Variants in ERGIC3 observed in about 807,000 individuals in gnomAD.
The protein encoded by ERGIC3 is ERGIC and golgi 3.
Under a neutral mutation model 54.7 loss-of-function variants are expected in ERGIC3, and 33 were observed. The observed-to-expected ratio is 0.60, with a 90% confidence interval of 0.46 to 0.81. ERGIC3 has a LOEUF of 0.81. Among genes scored for constraint, ERGIC3 ranks in the 30% least tolerant of loss-of-function variants. ERGIC3 has a pLI of 0.00. For missense variants in ERGIC3, 399 were observed against 488.4 expected (o/e 0.82, Z 1.73); for synonymous variants, 186 against 189.8 (o/e 0.98, Z 0.16).
At chr20:35,553,020 A>ATTGTTTTTTTTTTTTTTT (rs2064689768) in intron 7 of ERGIC3, among the ~76,000 whole-genome samples, 4 of 41,550 alleles carry the variant, frequency 9.6e-5, no homozygotes, top group Non-Finnish European at 1.7e-4. Context: ...AAAGCTGGGG[A>ATTGTTTTTTTTTTTTTTT]TTTTTTTTTT....
chr20:35,543,785 G>C (rs2064630513), intron 4 of ERGIC3: 1 of 454,452 alleles, frequency 2.2e-6, no homozygotes, highest in Non-Finnish European at 4.7e-6. Context: ...GACTTGAGAT[G>C]GAGATGACTG....
chr20:35,555,784 G>T (rs1487357367), intron 8 of ERGIC3, among the ~76,000 whole-genome samples: 1 of 147,742 alleles, frequency 6.8e-6, no homozygotes, highest in Non-Finnish European at 1.5e-5. Flanking sequence ...CTGCTCTCCA[G>T]CCTGGGCAAC....
At chr20:35,551,983 AG>A (rs1271330276) in intron 7 of ERGIC3, among the ~76,000 whole-genome samples, 6 of 152,202 alleles carry the variant, frequency 3.9e-5, no homozygotes, top group Non-Finnish European at 7.3e-5. Context: ...GTGATGTAGC[AG>A]AATGTTAATA....
intron 10 of ERGIC3, 104 bp from the exon 11 acceptor site, chr20:35,556,869 C>T (rs753036072): frequency 1.9e-5 from 29 of 1,519,764 alleles, no homozygotes; most frequent in Non-Finnish European, 2.3e-5. Context: ...TCTCCTTACA[C>T]GGCCAAGGCT....
chr20:35,545,417 AT>A (rs1351885017), intron 4 of ERGIC3: 1 of 151,920 alleles, frequency 6.6e-6, no homozygotes, highest in Non-Finnish European at 1.5e-5. Flanking sequence ...AAAAAAAAAA[AT>A]TAGCCGGGTG....
Position 35,557,613 on chromosome 20 carries a change from C to A in ERGIC3, c.*109C>A. On this transcript the variant is annotated 3_prime_UTR_variant, in exon 13 of 13. Coordinates refer to ENST00000348547, the MANE Select transcript of ERGIC3 (RefSeq NM_015966.3). ...CAGCCCCAGCCCCAGGTTGATAAAT[C>A]TATTGATTGATTGTGATAGTACTCA... 1 of 902,096 alleles carries A rather than the reference C, an allele frequency of 1.1e-6. No individual in the cohort carries two copies. The highest frequency in any genetic ancestry group is 1.8e-6 in the Non-Finnish European group (1 of 562,652). 55.9% of individuals were successfully genotyped at this position (902,096 alleles called of 1,614,324 possible).
At chr20:35,553,184 T>TTTC (rs1227302814) in intron 7 of ERGIC3, among the ~76,000 whole-genome samples, 1 of 148,116 alleles carries the variant, frequency 6.8e-6, no homozygotes, top group Non-Finnish European at 1.5e-5. Flanking sequence ...TTTTTTTTTT[T>TTTC]TTTTGCAGAG....
At chr20:35,554,478 T>A (rs2064700581) in intron 7 of ERGIC3, 1 of 1,442,366 alleles carries the variant, frequency 6.9e-7, no homozygotes, top group African/African-American at 1.4e-5. Context: ...GGGCTGTGAT[T>A]GGGTCTCCTC....
rs1444752717 is a variant in ERGIC3 at position 35,548,859 on chromosome 20, G to A, written c.679G>A (p.Val227Met). 1 of 1,614,218 alleles carries A rather than the reference G, an allele frequency of 6.2e-7. No homozygotes were observed. The highest frequency in any genetic ancestry group is 8.5e-7 in the Non-Finnish European group (1 of 1,180,040). ...APGKSFQQSHVHVHDLQSFGL... is the reference protein window; with the variant it reads ...APGKSFQQSHMHVHDLQSFGL... ...TGGGAAGAGCTTCCAGCAGTCCCAT[G>A]TGCACGGTGAGTGATCTGCACTAGC... Residue 227 changes from valine (V) to methionine (M), a missense_variant, in exon 7 of 13, where the codon GTG becomes ATG. Physicochemically the swap from Val to Met is conservative, Grantham distance 21 (BLOSUM62 1). Coordinates refer to ENST00000348547, the MANE Select transcript of ERGIC3 (RefSeq NM_015966.3).
Position 35,542,908 on chromosome 20 carries a change from G to A in ERGIC3, c.334G>A (p.Gly112Ser). The A allele has an allele frequency of 2.5e-6, 4 of 1,614,148 alleles. No homozygotes were observed. Among genetic ancestry groups the A allele is most frequent in the Non-Finnish European group, 3.4e-6 (4 of 1,180,032 alleles). ...GTTCAAGCAACGACTAGATAAAGAT[G>A]GCATCCCCGTGAGCTCAGAGGCTGA... ...NLFKQRLDKDGIPVSSEAERH... is the reference protein window; with the variant it reads ...NLFKQRLDKDSIPVSSEAERH... The change falls in exon 4 of 13, where the codon GGC becomes AGC. Residue 112 changes from glycine (G) to serine (S), a missense_variant. Coordinates refer to ENST00000348547, the MANE Select transcript of ERGIC3 (RefSeq NM_015966.3).
At chr20:35,552,552 T>A (rs991960435) in intron 7 of ERGIC3, among the ~76,000 whole-genome samples, 2 of 151,976 alleles carry the variant, frequency 1.3e-5, no homozygotes, top group East Asian at 3.9e-4. Context: ...CCACAGCATA[T>A]GAGCTAGGAA....
chr20:35,543,118 T>C (rs1304783912), intron 4 of ERGIC3, 177 bp downstream of exon 4: 1 of 760,318 alleles, frequency 1.3e-6, no homozygotes. Flanking sequence ...TAAAATCCTC[T>C]ATACATATCG....
At chr20:35,550,489 G>C (rs973325573) in intron 7 of ERGIC3, among the ~76,000 whole-genome samples, 7 of 152,186 alleles carry the variant, frequency 4.6e-5, no homozygotes, top group Admixed American at 3.9e-4. Flanking sequence ...GGTGGCACAC[G>C]CCTGTAATCC....
chr20:35,552,192 GGA>G (rs2064685455), intron 7 of ERGIC3, among the ~76,000 whole-genome samples: 1 of 152,162 alleles, frequency 6.6e-6, no homozygotes, highest in Non-Finnish European at 1.5e-5. Context: ...AGAAGTACAT[GGA>G]GAGTCTCTTC....
Position 35,554,324 on chromosome 20 carries a change from G to A in ERGIC3, c.686-720G>A, listed in dbSNP as rs201804970. 149 of 1,613,298 alleles carry A rather than the reference G, an allele frequency of 9.2e-5. 1 individual carries two copies. Among genetic ancestry groups the A allele is most frequent in the Admixed American group, 3.3e-5 (2 of 60,008 alleles). ...ATATCTTGCTCTCATAGTTCTCATT[G>A]TGAAGCTCTGAATCTTTCTTCTCTC... On this transcript the variant is annotated intron_variant, in intron 7 of 12. Coordinates refer to ENST00000348547, the MANE Select transcript of ERGIC3 (RefSeq NM_015966.3).
At chr20:35,556,152 C>G in intron 9 of ERGIC3, 23 bp downstream of exon 9, 1 of 1,614,160 alleles carries the variant, frequency 6.2e-7, no homozygotes, top group Non-Finnish European at 8.5e-7. Flanking sequence ...GAGGCAGCCC[C>G]CAGCCGCAGA....
intron 7 of ERGIC3, among the ~76,000 whole-genome samples, chr20:35,552,107 T>C (rs987370074): frequency 2.6e-5 from 4 of 152,130 alleles, no homozygotes; most frequent in African/African-American, 4.8e-5. Flanking sequence ...GCCTTACATA[T>C]GTGGAAAGTC....
intron 5 of ERGIC3, among the ~76,000 whole-genome samples, chr20:35,547,984 A>T (rs1408921012): frequency 6.6e-6 from 1 of 152,196 alleles, no homozygotes; most frequent in African/African-American, 2.4e-5. Context: ...AGACTGATTC[A>T]GCAGGTCTGG....
At chr20:35,543,877 A>C (rs1432618624) in intron 4 of ERGIC3, 1 of 341,292 alleles carries the variant, frequency 2.9e-6, no homozygotes, top group Non-Finnish European at 5.9e-6. Flanking sequence ...AAAAGTTAGT[A>C]GTTTGATACA....
Sources: allele counts gnomAD v4.1 joint callset (sites outside exome capture counted in the v4.1 genomes callset), GRCh38; gene constraint gnomAD v4.1.1; transcripts MANE v1.5; gene names NCBI Gene and HGNC (gene_info 2026-07-23, HGNC 2026-07-21).